The following DAZAP1 variants were observed in gnomAD, a reference collection of about 807,000 sequenced individuals.
DAZAP1 encodes the protein DAZ-associated protein 1.
DAZAP1 carries 6 observed loss-of-function variants against 60.1 expected under a neutral mutation model. The observed-to-expected ratio is 0.10, with a 90% CI of 0.05 to 0.20. DAZAP1 has a LOEUF of 0.20. DAZAP1 is among the 10% of genes least tolerant of loss of function. DAZAP1 has a pLI of 1.00. For synonymous variants in DAZAP1, 235 were observed against 215.9 expected, an observed-to-expected ratio of 1.09 and a Z score of -0.78; for missense variants, 366 against 560.4, an observed-to-expected ratio of 0.65 and a Z score of 3.50.
At chr19:1,420,720 C>T (rs909609766) in intron 4 of DAZAP1, among the ~76,000 whole-genome samples, 78 of 152,308 alleles carry the variant, frequency 5.1e-4, no homozygotes, top group African/African-American at 1.8e-3. Context: ...GTTTCCGTAG[C>T]CATCATTGTC....
rs760525959 is a variant in DAZAP1 at position 1,422,409 on chromosome 19, C to A, written c.463+13C>A. The A allele has an allele frequency of 2.5e-6, 4 of 1,613,240 alleles. No individual in the cohort carries two copies. Among genetic ancestry groups the A allele is most frequent in the East Asian group, 2.2e-5 (1 of 44,822 alleles). On this transcript the variant is annotated intron_variant, in intron 6 of 11. Transcript: ENST00000233078. The surrounding 1 kb of genome is among the most constrained non-coding windows in gnomAD (Gnocchi z 4.5). Reference sequence around the variant, plus strand: ...CAGAGGCCCCGAGGTAAGGGCAGATCTAGTTTGACCTCGGCCTTCTCCCTG... The same window carrying A: ...CAGAGGCCCCGAGGTAAGGGCAGATATAGTTTGACCTCGGCCTTCTCCCTG...
chr19:1,430,403 C>A lies in DAZAP1; in HGVS notation c.871+41C>A. 3.4e-6 allele frequency: 5 copies of A among 1,460,118 alleles called. No individual in the cohort carries two copies. In the South Asian group the frequency reaches 6.0e-5, roughly 17 times the overall value. 90.4% of individuals were successfully genotyped at this position (1,460,118 alleles called of 1,614,324 possible). A position where few individuals can be genotyped will look rare whatever the true frequency, so the allele number is the denominator to read the frequency against. ...CTTGTGGGAGGGCCTCCCGCCTGCT[C>A]CGGAGATGCCAGGTGGTGGGCGGGG... is the stretch of plus-strand genomic sequence containing the variant. On this transcript the variant is annotated intron_variant, in intron 10 of 11. Coordinates refer to ENST00000233078, the MANE Select transcript of DAZAP1 (RefSeq NM_018959.4).
Position 1,433,584 on chromosome 19 carries a change from G to T in DAZAP1, c.1048+894G>T, listed in dbSNP as rs1308541723. On this transcript the variant is annotated intron_variant, in intron 11 of 11. Coordinates refer to ENST00000233078, the MANE Select transcript of DAZAP1 (RefSeq NM_018959.4). This position sits in a 1 kb window ranked among gnomAD's most constrained non-coding sequence, Gnocchi z 6.1. ...GCCCAGGCCTTGGGCCGAGGTTGCC[G>T]CATGTGTGGGTTCTTGACCCACTCA... 6.5e-6 allele frequency: 4 copies of T among 611,192 alleles called. No homozygotes were observed. The highest frequency in any genetic ancestry group is 2.8e-5 in the Admixed American group (1 of 35,146). The allele number at this position is 611,192 out of a possible 1,614,324, so 37.9% of individuals were successfully genotyped here. A position where few individuals can be genotyped will look rare whatever the true frequency, so the allele number is the denominator to read the frequency against.
chr19:1,414,823 A>T (rs938702136), intron 1 of DAZAP1, among the ~76,000 whole-genome samples: 1 of 148,842 alleles, frequency 6.7e-6, no homozygotes, highest in Admixed American at 6.7e-5. Flanking sequence ...AGTATTTTTT[A>T]TTTTTTTTTT....
chr19:1,417,134 A>T, intron 1 of DAZAP1: 1 of 282,854 alleles, frequency 3.5e-6, no homozygotes, highest in Non-Finnish European at 6.6e-6. Context: ...TTTCCTGATT[A>T]TAAAATACTC....
rs984509097 is a variant in DAZAP1 at position 1,432,691 on chromosome 19, G to A, written c.1048+1G>A. ...CCAGACTTCCCCTATGGTCAGTATGGTAAGTGGTCTCCTGCCATGCCGCGT... is the reference window on the plus strand; with the variant it reads ...CCAGACTTCCCCTATGGTCAGTATGATAAGTGGTCTCCTGCCATGCCGCGT... On this transcript the variant is annotated splice_donor_variant, in intron 11 of 11. Transcript: ENST00000233078. LOFTEE classifies it high-confidence loss of function. This position sits in a 1 kb window ranked among gnomAD's most constrained non-coding sequence, Gnocchi z 4.9. 6.3e-7 allele frequency: 1 copy of A among 1,591,506 alleles called. No individual in the cohort carries two copies. Among genetic ancestry groups the A allele is most frequent in the South Asian group, 1.1e-5 (1 of 88,714 alleles).
In DAZAP1 at chr19:1,424,047, T is replaced by C. The variant is rs1227726074; in HGVS notation, c.463+1651T>C. Among the ~76,000 whole-genome samples, 7 of 152,282 alleles carry C rather than the reference T, an allele frequency of 4.6e-5. No homozygotes were observed. In the East Asian group the frequency reaches 1.4e-3, roughly 29 times the overall value. On this transcript the variant is annotated intron_variant, in intron 6 of 11. Transcript: ENST00000233078. Reference sequence around the variant, plus strand: ...GTGTGTCCCCTTCCCTTGGCCTTTCTGCATCTTCTGAGACGGGTCTGTGTC... The same window carrying C: ...GTGTGTCCCCTTCCCTTGGCCTTTCCGCATCTTCTGAGACGGGTCTGTGTC...
At chr19:1,412,647 G>A (rs1466979360) in intron 1 of DAZAP1, among the ~76,000 whole-genome samples, 1 of 152,236 alleles carries the variant, frequency 6.6e-6, no homozygotes, top group Non-Finnish European at 1.5e-5. Context: ...GGTCAGCCTA[G>A]GCCAGAGGAA....
In DAZAP1 at chr19:1,418,565, G is replaced by A; in HGVS notation, c.238-101G>A. 1 of 1,502,970 alleles carries A rather than the reference G, an allele frequency of 6.7e-7. No individual in the cohort carries two copies. Among genetic ancestry groups the A allele is most frequent in the Non-Finnish European group, 9.2e-7 (1 of 1,082,698 alleles). The allele number at this position is 1,502,970 out of a possible 1,614,324, so 93.1% of individuals were successfully genotyped here. On this transcript the variant is annotated intron_variant, in intron 3 of 11. Transcript: ENST00000233078. The surrounding 1 kb of genome is among the most constrained non-coding windows in gnomAD (Gnocchi z 5.7). ...GGGTGAATGGAGCCGGCGGGGCGGG[G>A]CGGGCCGGGCTGCTGTGCCGTGGCT...
At position 1,434,679 on chromosome 19, in the gene DAZAP1, C is replaced by G; in HGVS notation, c.1049-58C>G. 6.3e-7 allele frequency: 1 copy of G among 1,588,764 alleles called. No individual in the cohort carries two copies. The highest frequency in any genetic ancestry group is 8.6e-7 in the Non-Finnish European group (1 of 1,164,738). ...GGAGCTGTGTCCAGGTGGCCTCGCTCGACGGCAGTGCCAACCGCCCAGGGA... is the reference window on the plus strand; with the variant it reads ...GGAGCTGTGTCCAGGTGGCCTCGCTGGACGGCAGTGCCAACCGCCCAGGGA... On this transcript the variant is annotated intron_variant, in intron 11 of 11. Transcript: ENST00000233078. The surrounding 1 kb of genome is among the most constrained non-coding windows in gnomAD (Gnocchi z 8.0).
At chr19:1,420,406 G>A (rs189454915) in intron 4 of DAZAP1, among the ~76,000 whole-genome samples, 3 of 151,972 alleles carry the variant, frequency 2.0e-5, no homozygotes, top group East Asian at 3.9e-4. Flanking sequence ...TCACGGCGGC[G>A]AGCACTCACC....
At position 1,433,512 on chromosome 19, in the gene DAZAP1, G is replaced by A. The variant is rs1426720615; in HGVS notation, c.1048+822G>A. 3 of 563,540 alleles carry A rather than the reference G, an allele frequency of 5.3e-6. No individual in the cohort carries two copies. The highest frequency in any genetic ancestry group is 3.8e-5 in the African/African-American group (2 of 52,604). 34.9% of individuals were successfully genotyped at this position (563,540 alleles called of 1,614,324 possible). ...GGGTGTGGGAGCTGTGTTCGGCCGA[G>A]GTGCCCGCCCACCCACCTCGCATGG... On this transcript the variant is annotated intron_variant, in intron 11 of 11. Transcript: ENST00000233078. The surrounding 1 kb of genome is among the most constrained non-coding windows in gnomAD (Gnocchi z 6.1).
At chr19:1,414,828 T>C (rs989230625) in intron 1 of DAZAP1, among the ~76,000 whole-genome samples, 1 of 152,074 alleles carries the variant, frequency 6.6e-6, no homozygotes, top group Non-Finnish European at 1.5e-5. Context: ...TTTTTATTTT[T>C]TTTTTAATTT....
At position 1,418,205 on chromosome 19, in the gene DAZAP1, G is replaced by A; in HGVS notation, c.72G>A (p.Glu24=). 6.2e-7 allele frequency: 1 copy of A among 1,613,912 alleles called. No individual in the cohort carries two copies. The highest frequency in any genetic ancestry group is 1.1e-5 in the South Asian group (1 of 91,070). ...GTTTTCTTCCCGATTTCTGAGCAGA[G>A]ACTCTGCGCAGCTACTTTTCCCAAT... ...VGGLDWSTTQ[E]TLRSYFSQYG... is the part of the protein sequence containing the mutation. The change falls in exon 3 of 12, where the codon GAG becomes GAA. Residue 24 remains glutamate (E), a splice_region_variant and synonymous_variant. Transcript: ENST00000233078. The surrounding 1 kb of genome is among the most constrained non-coding windows in gnomAD (Gnocchi z 5.7).
At chr19:1,421,966 T>A (rs995926924) in intron 5 of DAZAP1, among the ~76,000 whole-genome samples, 7 of 152,130 alleles carry the variant, frequency 4.6e-5, no homozygotes, top group Admixed American at 3.9e-4. Context: ...AGCGTGCCCT[T>A]TGCTTCCCGC....
At chr19:1,430,535 G>A (rs560022926) in intron 10 of DAZAP1, among the ~76,000 whole-genome samples, 173 bp downstream of exon 10, 3 of 152,298 alleles carry the variant, frequency 2.0e-5, no homozygotes, top group Admixed American at 6.5e-5. Context: ...GGGCTCCATC[G>A]CCTGTGGCCT....
Position 1,434,504 on chromosome 19 carries a change from C to T in DAZAP1, c.1049-233C>T, listed in dbSNP as rs962343322. The T allele has an allele frequency of 4.1e-4, 209 of 508,844 alleles. 2 individuals carry two copies. The East Asian group carries it at 7.7e-3, about 19-fold the overall frequency. 31.5% of individuals were successfully genotyped at this position (508,844 alleles called of 1,614,324 possible). A position where few individuals can be genotyped will look rare whatever the true frequency, so the allele number is the denominator to read the frequency against. On this transcript the variant is annotated intron_variant, in intron 11 of 11. Transcript: ENST00000233078. This position sits in a 1 kb window ranked among gnomAD's most constrained non-coding sequence, Gnocchi z 8.0. ...GTGAGGTTACGTGGGCCATGGAGGG[C>T]TCTGGAAGCCGCTTTTCTCTGTGTG...
intron 10 of DAZAP1, among the ~76,000 whole-genome samples, chr19:1,430,942 C>T (rs1206674768): frequency 2.0e-5 from 3 of 150,896 alleles, no homozygotes; most frequent in African/African-American, 4.9e-5. Context: ...AGGGTGGTCT[C>T]GATCTCCTGA....
chr19:1,429,346 C>T (rs542947746), intron 8 of DAZAP1, among the ~76,000 whole-genome samples: 27 of 152,344 alleles, frequency 1.8e-4, no homozygotes, highest in Middle Eastern at 3.4e-3. Flanking sequence ...AGCTCAGAAT[C>T]GGGGTGCTGC....
Sources: allele counts gnomAD v4.1 joint callset (sites outside exome capture counted in the v4.1 genomes callset), GRCh38; gene constraint gnomAD v4.1.1; non-coding constraint Gnocchi (gnomAD v3.1); transcripts MANE v1.5; gene names NCBI Gene and HGNC (gene_info 2026-07-23, HGNC 2026-07-21).